ADAMTS6: variants seen among roughly 807,000 people sequenced by gnomAD.
ADAMTS6 encodes A disintegrin and metalloproteinase with thrombospondin motifs 6.
A neutral mutation model predicts 144.3 loss-of-function variants in ADAMTS6; 23 were observed. That is an observed-to-expected ratio of 0.16 (90% CI 0.11 to 0.23). ADAMTS6 has a LOEUF of 0.23. Ranked by LOEUF, ADAMTS6 falls within the 10% of genes least tolerant of loss-of-function variation. The pLI is 1.00. For synonymous variants in ADAMTS6, 444 were observed against 457.5 expected (o/e 0.97, Z 0.38); for missense variants, 999 against 1,379.6 (o/e 0.72, Z 4.37).
intron 4 of ADAMTS6, among the ~76,000 whole-genome samples, chr5:65,457,202 C>T (rs1251269265): frequency 6.6e-6 from 1 of 152,166 alleles, no homozygotes; most frequent in Non-Finnish European, 1.5e-5. Flanking sequence ...GTGTGTGATA[C>T]AGCCAGATAT....
intron 18 of ADAMTS6, 136 bp downstream of exon 18, chr5:65,224,184 T>C (rs992499738): frequency 2.9e-6 from 2 of 694,582 alleles, no homozygotes; most frequent in Non-Finnish European, 5.0e-6. Context: ...ATGTGTTCTA[T>C]AAAACTTAGA....
At chr5:65,339,530 T>C (rs529304898) in intron 7 of ADAMTS6, among the ~76,000 whole-genome samples, 11 of 143,438 alleles carry the variant, frequency 7.7e-5, no homozygotes, top group Admixed American at 6.1e-4. Flanking sequence ...TAAGGAAATA[T>C]ATGAAATGCC....
At chr5:65,315,053 T>A (rs1744858430) in intron 9 of ADAMTS6, among the ~76,000 whole-genome samples, 1 of 152,086 alleles carries the variant, frequency 6.6e-6, no homozygotes, top group Non-Finnish European at 1.5e-5. Flanking sequence ...CTAAAATAAA[T>A]TTTTCTTATT....
At chr5:65,272,046 A>C (rs1259403527) in intron 12 of ADAMTS6, among the ~76,000 whole-genome samples, 1 of 152,210 alleles carries the variant, frequency 6.6e-6, no homozygotes, top group East Asian at 1.9e-4. Context: ...AAAGCCATCA[A>C]CATGGCACTA....
intron 24 of ADAMTS6, among the ~76,000 whole-genome samples, chr5:65,165,997 C>A (rs1263147821): frequency 6.9e-6 from 1 of 144,344 alleles, no homozygotes; most frequent in Non-Finnish European, 1.5e-5. Flanking sequence ...AACCAGCTAA[C>A]ATCATAATGA....
intron 7 of ADAMTS6, among the ~76,000 whole-genome samples, chr5:65,406,281 G>A (rs1424243832): frequency 1.3e-5 from 2 of 152,082 alleles, no homozygotes; most frequent in African/African-American, 4.8e-5. Flanking sequence ...TTGGCTGTGG[G>A]TTTGTCATAA....
chr5:65,234,418 T>C (rs1319585387), intron 15 of ADAMTS6, among the ~76,000 whole-genome samples: 13 of 138,176 alleles, frequency 9.4e-5, no homozygotes, highest in South Asian at 9.0e-4. Context: ...AAAAAAAAAA[T>C]CTAATTAAAA....
chr5:65,219,539 G>A (rs890042919), intron 18 of ADAMTS6, among the ~76,000 whole-genome samples: 2 of 152,166 alleles, frequency 1.3e-5, no homozygotes. Flanking sequence ...GACAGCTGGG[G>A]TAGCTAGATT....
At chr5:65,262,146 G>A (rs2112599197) in intron 13 of ADAMTS6, among the ~76,000 whole-genome samples, 1 of 152,308 alleles carries the variant, frequency 6.6e-6, no homozygotes, top group Middle Eastern at 3.4e-3. Context: ...ACTGGTAGGA[G>A]GGAGAAGCAA....
At chr5:65,172,768 AG>A (rs1579956332) in intron 23 of ADAMTS6, 63 bp downstream of exon 23, 3 of 1,554,544 alleles carry the variant, frequency 1.9e-6, no homozygotes, top group Non-Finnish European at 2.6e-6. Flanking sequence ...TGATCACACA[AG>A]GAACCTCAGG....
rs377655676 is a variant in ADAMTS6 at position 65,455,450 on chromosome 5, G to A, written c.632-2532C>T. 7.6e-4 allele frequency among the ~76,000 whole-genome samples: 116 copies of A among 152,232 alleles called. 1 individual carries two copies. Among genetic ancestry groups the A allele is most frequent in the South Asian group, 6.2e-3 (30 of 4,830 alleles). On this transcript the variant is annotated intron_variant, in intron 4 of 24. Transcript: ENST00000381055. ...CCAGCTGCTCAGTAGGCTGAGGCAG[G>A]AGAATCACTTGAACCTGAGAGACAG...
In ADAMTS6 at chr5:65,187,689, T is replaced by C. The variant is rs147171439; in HGVS notation, c.2910+327A>G. ...TCTCCTTTTGAACTTCAATTTTTAATCATGTATCGCAAATTCTAAACTTGT... is the reference window on the plus strand; with the variant it reads ...TCTCCTTTTGAACTTCAATTTTTAACCATGTATCGCAAATTCTAAACTTGT... On this transcript the variant is annotated intron_variant, in intron 22 of 24. Coordinates refer to ENST00000381055, the MANE Select transcript of ADAMTS6 (RefSeq NM_197941.4). 2.1e-4 allele frequency among the ~76,000 whole-genome samples: 32 copies of C among 152,282 alleles called. 1 individual carries two copies. The highest frequency in any genetic ancestry group is 7.5e-4 in the African/African-American group (31 of 41,578).
At chr5:65,152,072 T>C (rs1752171067) in intron 24 of ADAMTS6, 127 bp from the exon 25 acceptor site, 1 of 665,786 alleles carries the variant, frequency 1.5e-6, no homozygotes, top group African/African-American at 1.8e-5. Flanking sequence ...TCGACCTCCA[T>C]GTGGTTTTTG....
chr5:65,220,366 C>A, intron 18 of ADAMTS6, among the ~76,000 whole-genome samples: 1 of 151,938 alleles, frequency 6.6e-6, no homozygotes, highest in East Asian at 1.9e-4. Flanking sequence ...GATTTTTAAT[C>A]AGTAATTTAA....
chr5:65,466,725 G>A (rs1760035060), intron 3 of ADAMTS6, among the ~76,000 whole-genome samples: 1 of 152,220 alleles, frequency 6.6e-6, no homozygotes, highest in African/African-American at 2.4e-5. Context: ...CAGAGGGACT[G>A]AAGATAATCA....
intron 7 of ADAMTS6, among the ~76,000 whole-genome samples, chr5:65,370,741 A>C (rs1750801214): frequency 6.6e-6 from 1 of 152,228 alleles, no homozygotes; most frequent in Non-Finnish European, 1.5e-5. Flanking sequence ...TAAACAAAGC[A>C]GAGGGGAAGC....
At chr5:65,234,431 T>C (rs1580139367) in intron 15 of ADAMTS6, among the ~76,000 whole-genome samples, 1 of 146,110 alleles carries the variant, frequency 6.8e-6, no homozygotes, top group African/African-American at 2.5e-5. Context: ...AATTAAAAAA[T>C]AGGCAAATAA....
intron 24 of ADAMTS6, among the ~76,000 whole-genome samples, chr5:65,154,272 G>A (rs1293915206): frequency 6.6e-6 from 1 of 152,152 alleles, no homozygotes; most frequent in Non-Finnish European, 1.5e-5. Context: ...CCTTAGATGA[G>A]TGCTAGAAAT....
At chr5:65,352,242 A>C (rs1423446054) in intron 7 of ADAMTS6, among the ~76,000 whole-genome samples, 1 of 152,214 alleles carries the variant, frequency 6.6e-6, no homozygotes, top group African/African-American at 2.4e-5. Context: ...AAGAATTTAA[A>C]ATGATTAAAT....
Sources: allele counts gnomAD v4.1 joint callset (sites outside exome capture counted in the v4.1 genomes callset), GRCh38; gene constraint gnomAD v4.1.1; transcripts MANE v1.5; gene names NCBI Gene and HGNC (gene_info 2026-07-23, HGNC 2026-07-21).